Variants in GRID2 observed in about 807,000 individuals in gnomAD.
GRID2 encodes the protein glutamate receptor ionotropic, delta-2.
In GRID2, 33 loss-of-function variants were observed where a neutral mutation model predicts 114.8. That is an observed-to-expected ratio of 0.29 (90% CI 0.22 to 0.38). The LOEUF (loss-of-function observed/expected upper bound fraction) is 0.38, where lower values mean the gene tolerates loss of function less well. Among genes scored for constraint, GRID2 ranks in the 10% least tolerant of loss-of-function variants. The probability of loss-of-function intolerance (pLI) is 1.00; values close to 1 mark genes in which losing one functional copy is unlikely to be tolerated. For synonymous variants in GRID2, 505 were observed against 449.9 expected (o/e 1.12, Z -1.55); for missense variants, 1,184 against 1,257.7 (o/e 0.94, Z 0.89).
intron 4 of GRID2, among the ~76,000 whole-genome samples, chr4:93,126,296 T>C (rs893974827): frequency 6.6e-5 from 10 of 152,156 alleles, no homozygotes; most frequent in Non-Finnish European, 1.2e-4. Context: ...CCTAACTTTC[T>C]CTTTATTTTG....
At chr4:93,472,926 G>A (rs1724979093) in intron 11 of GRID2, among the ~76,000 whole-genome samples, 1 of 152,046 alleles carries the variant, frequency 6.6e-6, no homozygotes, top group African/African-American at 2.4e-5. Context: ...AACAGAAGAA[G>A]GAATAGAAAA....
Position 92,920,986 on chromosome 4 carries a change from A to G in GRID2, c.245-164009A>G, listed in dbSNP as rs542046510. 2.4e-3 allele frequency among the ~76,000 whole-genome samples: 367 copies of G among 152,284 alleles called. 1 individual carries two copies. The highest frequency in any genetic ancestry group is 0.024 in the Middle Eastern group (7 of 294). On this transcript the variant is annotated intron_variant, in intron 2 of 15. Transcript: ENST00000282020. Reference sequence around the variant, plus strand: ...TCTCCCAGTCACTTTCAGGTACACCAATCAGACGTAGATTTGGTCTTTTCA... The same window carrying G: ...TCTCCCAGTCACTTTCAGGTACACCGATCAGACGTAGATTTGGTCTTTTCA...
intron 2 of GRID2, among the ~76,000 whole-genome samples, chr4:93,021,244 C>T (rs972863767): frequency 6.6e-6 from 1 of 151,450 alleles, no homozygotes; most frequent in Non-Finnish European, 1.5e-5. Context: ...ATCTTATATA[C>T]TCTTTGTAAG....
At chr4:93,721,920 CTTTTTTTTTT>C (rs5860343) in intron 14 of GRID2, among the ~76,000 whole-genome samples, 1 of 132,616 alleles carries the variant, frequency 7.5e-6, no homozygotes, top group Non-Finnish European at 1.6e-5. Context: ...TTTCTTTTTT[CTTTTTTTTTT>C]TTTTTTGAGA....
intron 13 of GRID2, among the ~76,000 whole-genome samples, chr4:93,560,585 GATAAT>G (rs1485347698): frequency 6.6e-6 from 1 of 152,104 alleles, no homozygotes; most frequent in African/African-American, 2.4e-5. Flanking sequence ...AAACACTGGG[GATAAT>G]ATTTTATTGT....
At chr4:93,631,043 A>G (rs1743200821) in intron 14 of GRID2, among the ~76,000 whole-genome samples, 1 of 152,174 alleles carries the variant, frequency 6.6e-6, no homozygotes, top group African/African-American at 2.4e-5. Flanking sequence ...CTGAGACATC[A>G]TGAAGTAAAG....
chr4:93,523,604 C>A (rs1042124279), intron 13 of GRID2, among the ~76,000 whole-genome samples: 1 of 152,150 alleles, frequency 6.6e-6, no homozygotes, highest in Non-Finnish European at 1.5e-5. Flanking sequence ...CCAGGACCAA[C>A]ACAGACTCTA....
At chr4:92,872,622 A>T (rs1745356613) in intron 2 of GRID2, among the ~76,000 whole-genome samples, 1 of 152,216 alleles carries the variant, frequency 6.6e-6, no homozygotes, top group South Asian at 2.1e-4. Context: ...TATATCTTCA[A>T]AGTCAGAGGA....
chr4:93,139,002 A>T (rs963877002), intron 4 of GRID2, among the ~76,000 whole-genome samples: 4 of 152,148 alleles, frequency 2.6e-5, no homozygotes, highest in African/African-American at 9.7e-5. Context: ...GTTCTCTGAG[A>T]GATTCTCTGC....
At chr4:92,955,050 A>C (rs1178098640) in intron 2 of GRID2, among the ~76,000 whole-genome samples, 2 of 106,588 alleles carry the variant, frequency 1.9e-5, no homozygotes, top group Admixed American at 1.1e-4. Context: ...AGTCTTTGCT[A>C]TTGTGAATAA....
intron 14 of GRID2, among the ~76,000 whole-genome samples, chr4:93,677,788 C>G (rs1032207073): frequency 6.6e-6 from 1 of 152,042 alleles, no homozygotes; most frequent in African/African-American, 2.4e-5. Flanking sequence ...TGTACATCAC[C>G]AGCATCAAAG....
intron 10 of GRID2, among the ~76,000 whole-genome samples, chr4:93,455,089 G>T (rs1236074110): frequency 6.6e-6 from 1 of 151,978 alleles, no homozygotes. Flanking sequence ...TATTTCTGAA[G>T]TTTATACAAT....
chr4:93,793,288 G>A (rs1194544142), intron 1 of GRID2, among the ~76,000 whole-genome samples: 3 of 152,094 alleles, frequency 2.0e-5, no homozygotes, highest in Admixed American at 6.6e-5. Flanking sequence ...TTTAAAAGAA[G>A]CCACACCTAG....
intron 8 of GRID2, among the ~76,000 whole-genome samples, chr4:93,262,860 A>G (rs1750401118): frequency 6.6e-6 from 1 of 151,938 alleles, no homozygotes; most frequent in Non-Finnish European, 1.5e-5. Context: ...TAAAGTCTGT[A>G]GCATTCTAAA....
intron 2 of GRID2, among the ~76,000 whole-genome samples, chr4:92,706,202 G>A (rs933071612): frequency 7.2e-5 from 11 of 152,110 alleles, no homozygotes; most frequent in Non-Finnish European, 1.5e-4. Context: ...TCAAAGCTAC[G>A]TATGCACTTG....
chr4:93,272,740 G>A (rs1444119297), intron 8 of GRID2, among the ~76,000 whole-genome samples: 1 of 151,910 alleles, frequency 6.6e-6, no homozygotes, highest in Non-Finnish European at 1.5e-5. Context: ...GACTGGTGTG[G>A]AGACTACTGT....
At chr4:93,095,942 A>G (rs1731189753) in intron 3 of GRID2, among the ~76,000 whole-genome samples, 1 of 152,038 alleles carries the variant, frequency 6.6e-6, no homozygotes, top group Non-Finnish European at 1.5e-5. Flanking sequence ...AGCCGCAACA[A>G]TTGAAAGAGC....
chr4:93,234,646 CTT>C (rs35406159), intron 7 of GRID2, among the ~76,000 whole-genome samples: 29 of 142,270 alleles, frequency 2.0e-4, no homozygotes, highest in Non-Finnish European at 1.7e-4. Context: ...TTGTCGTCCT[CTT>C]TTTTTTTTTT....
intron 11 of GRID2, among the ~76,000 whole-genome samples, chr4:93,457,186 C>T (rs576573930): frequency 2.0e-4 from 31 of 152,186 alleles, no homozygotes; most frequent in Middle Eastern, 6.8e-3. Context: ...GTAGGATAAG[C>T]ATAGACTGTT....
Sources: allele counts gnomAD v4.1 joint callset (sites outside exome capture counted in the v4.1 genomes callset), GRCh38; gene constraint gnomAD v4.1.1; transcripts MANE v1.5; gene names NCBI Gene and HGNC (gene_info 2026-07-23, HGNC 2026-07-21).